Variants in DPP6 observed in about 807,000 individuals in gnomAD.
DPP6 encodes the protein A-type potassium channel modulatory protein DPP6.
A neutral mutation model predicts 122.6 loss-of-function variants in DPP6; 69 were observed. That is an observed-to-expected ratio of 0.56 (90% CI 0.46 to 0.69). The LOEUF (loss-of-function observed/expected upper bound fraction) is 0.69, where lower values mean the gene tolerates loss of function less well. Ranked by LOEUF, DPP6 falls within the 30% of genes least tolerant of loss-of-function variation. DPP6 has a pLI of 0.00. For synonymous variants in DPP6, 418 were observed against 433.1 expected, an observed-to-expected ratio of 0.97 and a Z score of 0.43; for missense variants, 928 against 1,116.9, an observed-to-expected ratio of 0.83 and a Z score of 2.41.
At chr7:154,540,867 G>T (rs949294174) in intron 4 of DPP6, among the ~76,000 whole-genome samples, 1 of 152,088 alleles carries the variant, frequency 6.6e-6, no homozygotes, top group Non-Finnish European at 1.5e-5. Context: ...AACAAGTGTT[G>T]CATATCATAT....
At chr7:154,288,434 C>T (rs1804991524) in intron 1 of DPP6, among the ~76,000 whole-genome samples, 1 of 152,192 alleles carries the variant, frequency 6.6e-6, no homozygotes, top group Non-Finnish European at 1.5e-5. Context: ...AACTCGGATC[C>T]CACTTTCTGC....
intron 7 of DPP6, among the ~76,000 whole-genome samples, chr7:154,690,636 A>C (rs1839881124): frequency 6.6e-6 from 1 of 151,982 alleles, no homozygotes; most frequent in Non-Finnish European, 1.5e-5. Context: ...CCCACCCCGC[A>C]TCATGAGGCA....
the DPP6 span, among the ~76,000 whole-genome samples, chr7:153,843,569 A>G: frequency 1.3e-3 from 201 of 152,224 alleles, 3 homozygotes; most frequent in African/African-American, 4.2e-3. Flanking sequence ...ACCAGCATTT[A>G]TTATTAAGTT....
At chr7:154,013,950 C>T (rs2129049632) in intron 1 of DPP6, among the ~76,000 whole-genome samples, 1 of 151,726 alleles carries the variant, frequency 6.6e-6, no homozygotes, top group African/African-American at 2.4e-5. Flanking sequence ...GCTCTTCTTT[C>T]CTCTCTCCCC....
At chr7:154,691,590 C>G (rs995589831) in intron 7 of DPP6, among the ~76,000 whole-genome samples, 1 of 152,022 alleles carries the variant, frequency 6.6e-6, no homozygotes, top group Non-Finnish European at 1.5e-5. Flanking sequence ...GAAGCCGAGG[C>G]GGGTGGATCA....
At chr7:153,927,992 G>A (rs1402591606) in intron 1 of DPP6, among the ~76,000 whole-genome samples, 3 of 152,138 alleles carry the variant, frequency 2.0e-5, no homozygotes, top group African/African-American at 7.2e-5. Context: ...AATCACTCAA[G>A]GGACCCTCCG....
chr7:154,474,886 C>G, intron 2 of DPP6, 53 bp from the exon 3 acceptor site: 2 of 1,390,986 alleles, frequency 1.4e-6, no homozygotes, highest in Admixed American at 3.4e-5. Context: ...ATGGTCCTCT[C>G]ATTTTACTAA....
In DPP6 at chr7:154,223,668, G is replaced by A. The variant is rs992551387; in HGVS notation, c.243+170605G>A. ...TGTGGCCAAGTCCTGTTGGGCGGGG[G>A]CAGATGAGAGGAAGGAAGAGGTGGG... is the stretch of plus-strand genomic sequence containing the variant. On this transcript the variant is annotated intron_variant, in intron 1 of 25. Transcript: ENST00000377770. 1.3e-5 allele frequency among the ~76,000 whole-genome samples: 2 copies of A among 149,286 alleles called. 1 individual carries two copies. Among genetic ancestry groups the A allele is most frequent in the African/African-American group, 5.1e-5 (2 of 39,178 alleles).
intron 1 of DPP6, among the ~76,000 whole-genome samples, chr7:154,243,951 T>C (rs964975316): frequency 6.6e-6 from 1 of 151,922 alleles, no homozygotes; most frequent in African/African-American, 2.4e-5. Flanking sequence ...AAAATACATG[T>C]AAGTTGCGTC....
At chr7:153,976,323 C>T (rs1328790118) in intron 1 of DPP6, among the ~76,000 whole-genome samples, 1 of 152,118 alleles carries the variant, frequency 6.6e-6, no homozygotes, top group East Asian at 1.9e-4. Flanking sequence ...TCTCCTTGGG[C>T]GCATTTCTCT....
chr7:154,313,562 A>G (rs944172942), intron 1 of DPP6, among the ~76,000 whole-genome samples: 14 of 151,378 alleles, frequency 9.2e-5, no homozygotes, highest in African/African-American at 3.4e-4. Flanking sequence ...TATTTAATCT[A>G]GGCATGTTTT....
At chr7:154,644,997 A>G (rs974369024) in intron 6 of DPP6, among the ~76,000 whole-genome samples, 41 of 149,350 alleles carry the variant, frequency 2.7e-4, no homozygotes, top group African/African-American at 9.7e-4. Flanking sequence ...ATGTGTCTGT[A>G]CCATGGCATT....
At chr7:154,786,459 G>T (rs1214646974) in intron 10 of DPP6, among the ~76,000 whole-genome samples, 2 of 152,172 alleles carry the variant, frequency 1.3e-5, no homozygotes, top group Non-Finnish European at 2.9e-5. Flanking sequence ...CATGGGGGCA[G>T]TTACTCCCAT....
In DPP6 at chr7:154,336,566, C is replaced by T. The variant is rs149984441; in HGVS notation, c.244-109648C>T. ...AGGATTTGCCAGAGCTGGAACGTAACGCCCACTTCACACCTTGGAGTATGA... is the reference window on the plus strand; with the variant it reads ...AGGATTTGCCAGAGCTGGAACGTAATGCCCACTTCACACCTTGGAGTATGA... On this transcript the variant is annotated intron_variant, in intron 1 of 25. Transcript: ENST00000377770. Among the ~76,000 whole-genome samples, 167 of 152,258 alleles carry T rather than the reference C, an allele frequency of 1.1e-3. 1 individual carries two copies. In the East Asian group the frequency reaches 0.016, roughly 15 times the overall value.
intron 3 of DPP6, among the ~76,000 whole-genome samples, chr7:154,515,433 G>C (rs1375887879): frequency 6.6e-6 from 1 of 152,088 alleles, no homozygotes; most frequent in Non-Finnish European, 1.5e-5. Flanking sequence ...TCCTGACATT[G>C]GGCATTTACT....
At chr7:154,254,121 C>T (rs1235158816) in intron 1 of DPP6, among the ~76,000 whole-genome samples, 1 of 152,218 alleles carries the variant, frequency 6.6e-6, no homozygotes, top group Non-Finnish European at 1.5e-5. Context: ...CACAGCCAAA[C>T]TGTATCAACC....
rs751168859 is a variant in DPP6 at position 154,794,217 on chromosome 7, G to A, written c.1260+15G>A. On this transcript the variant is annotated intron_variant, in intron 11 of 25. Coordinates refer to ENST00000377770, the MANE Select transcript of DPP6 (RefSeq NM_130797.4). ...TCTGCACGAAGGTACGCGGGGCTGTGGGGGTGGAGGGGAGACGGGTGAAGA... is the reference window on the plus strand; with the variant it reads ...TCTGCACGAAGGTACGCGGGGCTGTAGGGGTGGAGGGGAGACGGGTGAAGA... 6.3e-7 allele frequency: 1 copy of A among 1,594,270 alleles called. No individual in the cohort carries two copies. Among genetic ancestry groups the A allele is most frequent in the Non-Finnish European group, 8.6e-7 (1 of 1,168,182 alleles).
intron 6 of DPP6, among the ~76,000 whole-genome samples, chr7:154,647,627 C>T (rs532795852): frequency 3.1e-4 from 47 of 152,242 alleles, no homozygotes; most frequent in Middle Eastern, 3.4e-3. Context: ...TGGTGAGCTC[C>T]GGTCTTCACC....
At chr7:154,803,118 G>A (rs567039419) in intron 13 of DPP6, among the ~76,000 whole-genome samples, 2 of 152,224 alleles carry the variant, frequency 1.3e-5, no homozygotes, top group Admixed American at 6.5e-5. Flanking sequence ...CCCCATGTTC[G>A]AGTCTGCAGC....
Sources: allele counts gnomAD v4.1 joint callset (sites outside exome capture counted in the v4.1 genomes callset), GRCh38; gene constraint gnomAD v4.1.1; transcripts MANE v1.5; gene names NCBI Gene and HGNC (gene_info 2026-07-23, HGNC 2026-07-21).